The following CDH12 variants were observed in gnomAD, a reference collection of about 807,000 sequenced individuals.
CDH12 encodes cadherin-12.
Under a neutral mutation model 74.1 loss-of-function variants are expected in CDH12, and 41 were observed. The observed-to-expected ratio is 0.55, with a 90% CI of 0.43 to 0.72. The LOEUF is 0.72. Among genes scored for constraint, CDH12 ranks in the 30% least tolerant of loss-of-function variants. The pLI, the probability that CDH12 is intolerant of heterozygous loss-of-function variation, is 0.00. For synonymous variants in CDH12, 399 were observed against 355.0 expected (o/e 1.12, Z -1.39); for missense variants, 945 against 977.2 (o/e 0.97, Z 0.44).
At chr5:21,849,709 A>G (rs1436865942) in intron 7 of CDH12, among the ~76,000 whole-genome samples, 1 of 151,738 alleles carries the variant, frequency 6.6e-6, no homozygotes, top group Non-Finnish European at 1.5e-5. Context: ...ACCAGTACCA[A>G]CTGAGGTGTC....
At chr5:21,860,234 G>A (rs1750973256) in intron 6 of CDH12, among the ~76,000 whole-genome samples, 1 of 151,988 alleles carries the variant, frequency 6.6e-6, no homozygotes. Context: ...TCTTTATCAT[G>A]TGACACAAGA....
chr5:22,072,965 T>C (rs1742059073), intron 5 of CDH12, among the ~76,000 whole-genome samples: 1 of 152,108 alleles, frequency 6.6e-6, no homozygotes, highest in Non-Finnish European at 1.5e-5. Flanking sequence ...TTAACTTTTC[T>C]GTGCCTCAGT....
chr5:21,808,302 C>T (rs1414646276), intron 9 of CDH12, among the ~76,000 whole-genome samples: 2 of 152,170 alleles, frequency 1.3e-5, no homozygotes, highest in East Asian at 3.9e-4. Context: ...TATTATGACT[C>T]ACTGTAGCCG....
chr5:22,240,625 C>A (rs1196110282), intron 3 of CDH12, among the ~76,000 whole-genome samples: 2 of 152,096 alleles, frequency 1.3e-5, no homozygotes, highest in African/African-American at 2.4e-5. Flanking sequence ...CCTCTGCCTC[C>A]CAGCTTCAAC....
intron 9 of CDH12, among the ~76,000 whole-genome samples, chr5:21,805,998 G>T (rs1747407363): frequency 6.6e-6 from 1 of 152,100 alleles, no homozygotes; most frequent in African/African-American, 2.4e-5. Context: ...TATAAGGGAA[G>T]ACTAGTGGCA....
At chr5:22,776,587 G>C (rs1747116585) in intron 1 of CDH12, among the ~76,000 whole-genome samples, 1 of 152,088 alleles carries the variant, frequency 6.6e-6, no homozygotes. Flanking sequence ...TCAGAAAGAA[G>C]TTTATTCTAA....
At chr5:21,980,370 G>T (rs1380133871) in intron 5 of CDH12, among the ~76,000 whole-genome samples, 1 of 152,032 alleles carries the variant, frequency 6.6e-6, no homozygotes, top group East Asian at 1.9e-4. Context: ...AGGTAATGAG[G>T]ATGGTTGTGA....
intron 6 of CDH12, among the ~76,000 whole-genome samples, chr5:21,927,913 CA>C (rs571936967): frequency 2.0e-5 from 3 of 150,082 alleles, no homozygotes; most frequent in African/African-American, 4.9e-5. Flanking sequence ...ACTAAAAATA[CA>C]AAAAAAAATT....
At chr5:21,902,230 G>GCT (rs375754938) in intron 6 of CDH12, among the ~76,000 whole-genome samples, 39 of 149,956 alleles carry the variant, frequency 2.6e-4, no homozygotes, top group South Asian at 1.0e-3. Flanking sequence ...AAATTGAGGT[G>GCT]CTCTCTCTCT....
chr5:22,752,058 AAAAGT>A (rs1167431370), intron 1 of CDH12, among the ~76,000 whole-genome samples: 5 of 152,318 alleles, frequency 3.3e-5, no homozygotes, highest in South Asian at 2.1e-4. Context: ...TGTTCTAGAG[AAAAGT>A]AGCAAATCTC....
chr5:22,838,092 C>A (rs1052224955), intron 1 of CDH12, among the ~76,000 whole-genome samples: 6 of 152,154 alleles, frequency 3.9e-5, no homozygotes, highest in African/African-American at 1.4e-4. Context: ...CCAGAGGGGG[C>A]AAGTGGGCCC....
At chr5:22,822,745 G>A (rs1348635580) in intron 1 of CDH12, among the ~76,000 whole-genome samples, 2 of 152,150 alleles carry the variant, frequency 1.3e-5, no homozygotes, top group Admixed American at 6.5e-5. Flanking sequence ...AGGTGCTGGA[G>A]AGGATGTGGA....
intron 1 of CDH12, among the ~76,000 whole-genome samples, chr5:22,797,022 G>C (rs1318675134): frequency 6.6e-6 from 1 of 151,950 alleles, no homozygotes; most frequent in Non-Finnish European, 1.5e-5. Flanking sequence ...AGCAAGGGAA[G>C]CCTAATGAAA....
intron 5 of CDH12, among the ~76,000 whole-genome samples, chr5:22,003,248 G>A (rs1696876936): frequency 2.0e-5 from 3 of 152,158 alleles, no homozygotes; most frequent in Admixed American, 2.0e-4. Context: ...AAGCATTTAT[G>A]TGAACAACAT....
At chr5:22,468,298 A>G (rs1025822856) in intron 2 of CDH12, among the ~76,000 whole-genome samples, 1 of 152,218 alleles carries the variant, frequency 6.6e-6, no homozygotes, top group Non-Finnish European at 1.5e-5. Flanking sequence ...ACTCTCCAAC[A>G]TATCTTTACA....
At chr5:22,697,147 T>C (rs866908812) in intron 1 of CDH12, among the ~76,000 whole-genome samples, 3 of 152,052 alleles carry the variant, frequency 2.0e-5, no homozygotes, top group Admixed American at 6.6e-5. Context: ...ATAGTCTTTT[T>C]CCCCTCCCAT....
chr5:22,794,437 T>C (rs1301672132), intron 1 of CDH12, among the ~76,000 whole-genome samples: 2 of 152,210 alleles, frequency 1.3e-5, no homozygotes, highest in Non-Finnish European at 2.9e-5. Flanking sequence ...ACCTGCCAAC[T>C]CTGACTACAA....
At chr5:22,233,499 C>T (rs1464939280) in intron 3 of CDH12, among the ~76,000 whole-genome samples, 5 of 152,086 alleles carry the variant, frequency 3.3e-5, no homozygotes, top group African/African-American at 1.2e-4. Context: ...AGCATCATCT[C>T]AAGCTCACAG....
intron 3 of CDH12, among the ~76,000 whole-genome samples, chr5:22,373,496 C>T (rs1741386673): frequency 6.6e-6 from 1 of 152,190 alleles, no homozygotes; most frequent in Non-Finnish European, 1.5e-5. Flanking sequence ...CTCACCTAAA[C>T]CTGTTAACAC....
Sources: allele counts gnomAD v4.1 joint callset (sites outside exome capture counted in the v4.1 genomes callset), GRCh38; gene constraint gnomAD v4.1.1; transcripts MANE v1.5; gene names NCBI Gene and HGNC (gene_info 2026-07-23, HGNC 2026-07-21).